ARMC8: variants seen among roughly 807,000 people sequenced by gnomAD.
The protein encoded by ARMC8 is armadillo repeat-containing protein 8.
In ARMC8, 20 loss-of-function variants were observed where a neutral mutation model predicts 99.3. The observed-to-expected ratio is 0.20, with a 90% CI of 0.14 to 0.29. The LOEUF (loss-of-function observed/expected upper bound fraction) is 0.29, where lower values mean the gene tolerates loss of function less well. ARMC8 is among the 10% of genes least tolerant of loss of function. The pLI is 1.00. For synonymous variants in ARMC8, 263 were observed against 278.3 expected (o/e 0.95, Z 0.55); for missense variants, 569 against 809.5 (o/e 0.70, Z 3.60).
rs1157836951 is a variant in ARMC8 at position 138,239,586 on chromosome 3, A to C, written c.837+58A>C. On this transcript the variant is annotated intron_variant, in intron 10 of 21. Transcript: ENST00000469044. ...ATTATCCAGTTATGTGTTAAATATC[A>C]GTATTGATACTCATATTTCATTTTA... 3.6e-6 allele frequency: 4 copies of C among 1,115,824 alleles called. No homozygotes were observed. In the South Asian group the frequency reaches 4.3e-5, roughly 12 times the overall value. 69.1% of individuals were successfully genotyped at this position (1,115,824 alleles called of 1,614,324 possible).
rs771935392 is a variant in ARMC8, at chr3:138,264,261, G to C, written c.1299+49G>C. The stretch of plus-strand genomic sequence containing the variant: ...AACAGCTGTACTCACAGACCCTAGA[G>C]TGAGCTGAGCTAGCTAACACTACTC... On this transcript the variant is annotated intron_variant, in intron 14 of 21. Transcript: ENST00000469044. 4 of 1,476,488 alleles carry C rather than the reference G, an allele frequency of 2.7e-6. No homozygotes were observed. In the South Asian group the frequency reaches 4.6e-5, roughly 17 times the overall value. The allele number at this position is 1,476,488 out of a possible 1,614,324, so 91.5% of individuals were successfully genotyped here.
At chr3:138,244,835 A>G (rs1283356660) in intron 11 of ARMC8, among the ~76,000 whole-genome samples, 1 of 152,208 alleles carries the variant, frequency 6.6e-6, no homozygotes, top group African/African-American at 2.4e-5. Flanking sequence ...GGTTTTTCAT[A>G]TATCAGTGTC....
rs142428910 is a variant in ARMC8 at position 138,249,655 on chromosome 3, A to G, written c.1134+4472A>G. Among the ~76,000 whole-genome samples, 114 of 152,222 alleles carry G rather than the reference A, an allele frequency of 7.5e-4. 1 individual carries two copies. Among genetic ancestry groups the G allele is most frequent in the African/African-American group, 2.5e-3 (103 of 41,566 alleles). On this transcript the variant is annotated intron_variant, in intron 12 of 21. Coordinates refer to ENST00000469044, the MANE Select transcript of ARMC8 (RefSeq NM_001363941.2). ...ACTGATATAAAGTATTTTTCCAATT[A>G]GTGTCTGATTTTTAAGATCAGTTAC...
At chr3:138,287,510 G>T (rs1336532285) in intron 19 of ARMC8, 10 of 359,988 alleles carry the variant, frequency 2.8e-5, no homozygotes, top group South Asian at 4.3e-5. Context: ...ATTGAATGAT[G>T]AATAAACTTA....
In ARMC8 at chr3:138,219,411, G is replaced by T. The variant is rs1340655792; in HGVS notation, c.123-2515G>T. On this transcript the variant is annotated intron_variant, in intron 2 of 21. Coordinates refer to ENST00000469044, the MANE Select transcript of ARMC8 (RefSeq NM_001363941.2). Reference sequence around the variant, plus strand: ...ACTCTAACAAAGTGATGACCTGGGGGTTTCAGGGCATGCTTCCTGAGGAAG... The same window carrying T: ...ACTCTAACAAAGTGATGACCTGGGGTTTTCAGGGCATGCTTCCTGAGGAAG... 3.3e-5 allele frequency among the ~76,000 whole-genome samples: 5 copies of T among 152,200 alleles called. No homozygotes were observed. The East Asian group carries it at 9.6e-4, about 29-fold the overall frequency.
At chr3:138,192,081 A>T (rs568411067) in intron 1 of ARMC8, among the ~76,000 whole-genome samples, 63 of 152,246 alleles carry the variant, frequency 4.1e-4, no homozygotes, top group African/African-American at 1.4e-3. Flanking sequence ...ACTTTTCCAG[A>T]GTGGCTGTAC....
At chr3:138,280,124 A>G (rs1265363192) in intron 18 of ARMC8, among the ~76,000 whole-genome samples, 3 of 151,744 alleles carry the variant, frequency 2.0e-5, no homozygotes, top group Non-Finnish European at 4.4e-5. Context: ...GGCTGGGCTC[A>G]AACTCCTGAC....
At position 138,223,618 on chromosome 3, in the gene ARMC8, T is replaced by TC; in HGVS notation, c.338-17dup. ...ACTGGTTGAAAGGATTAGTCCTAAA[T>TC]CTCATTTCTGTTAATAGGACTACTG... is the stretch of plus-strand genomic sequence containing the variant. On this transcript the variant is annotated splice_polypyrimidine_tract_variant and intron_variant, in intron 4 of 21. Transcript: ENST00000469044. 6.8e-6 allele frequency: 11 copies of TC among 1,613,818 alleles called. No homozygotes were observed. Among genetic ancestry groups the TC allele is most frequent in the Non-Finnish European group, 9.3e-6 (11 of 1,179,664 alleles).
At position 138,201,436 on chromosome 3, in the gene ARMC8, C is replaced by CTTTTTTTT. The variant is rs58707271; in HGVS notation, c.46-8347_46-8340dup. ...TAGAGTCCTTGTCTTCTTCCCCTCC[C>CTTTTTTTT]TTTTTTTTTTTTTTTTTTTTTTTTT... On this transcript the variant is annotated intron_variant, in intron 1 of 21. Transcript: ENST00000469044. Among the ~76,000 whole-genome samples the CTTTTTTTT allele has an allele frequency of 7.7e-4, 50 of 64,992 alleles. 15 individuals are homozygous for CTTTTTTTT. The highest frequency in any genetic ancestry group is 1.0e-3 in the Non-Finnish European group (30 of 29,394). The allele number at this position is 64,992 out of a possible 152,430, so 42.6% of individuals were successfully genotyped here.
rs370336680 is a variant in ARMC8 at position 138,199,851 on chromosome 3, A to G, written c.46-9966A>G. The stretch of plus-strand genomic sequence containing the variant: ...AATTTGTGATTGATCTGAGCAGTGT[A>G]CTTGGTGGCATTTTAGTAAATTGTC... On this transcript the variant is annotated intron_variant, in intron 1 of 21. Coordinates refer to ENST00000469044, the MANE Select transcript of ARMC8 (RefSeq NM_001363941.2). 4.0e-4 allele frequency among the ~76,000 whole-genome samples: 61 copies of G among 152,340 alleles called. 1 individual carries two copies. The East Asian group carries it at 5.2e-3, about 13-fold the overall frequency.
At chr3:138,291,294 C>A (rs962246708) in intron 21 of ARMC8, among the ~76,000 whole-genome samples, 2 of 152,222 alleles carry the variant, frequency 1.3e-5, no homozygotes, top group Admixed American at 6.5e-5. Flanking sequence ...TCTGGCTCTG[C>A]CTTTCTCATC....
chr3:138,287,342 G>A (rs1265987690), intron 19 of ARMC8, among the ~76,000 whole-genome samples: 1 of 152,070 alleles, frequency 6.6e-6, no homozygotes, highest in Non-Finnish European at 1.5e-5. Flanking sequence ...CAAGCCCCTT[G>A]CTCTTTGCAC....
chr3:138,285,122 G>A (rs2050283514), intron 19 of ARMC8, among the ~76,000 whole-genome samples: 1 of 152,202 alleles, frequency 6.6e-6, no homozygotes, highest in Non-Finnish European at 1.5e-5. Context: ...CAACTGCAGA[G>A]AAAGGCACAG....
intron 19 of ARMC8, among the ~76,000 whole-genome samples, chr3:138,286,667 T>C (rs1202955209): frequency 6.6e-6 from 1 of 152,198 alleles, no homozygotes; most frequent in Non-Finnish European, 1.5e-5. Flanking sequence ...GATCTAGGGT[T>C]ATAGCCTGGG....
chr3:138,232,753 G>A (rs2046121075), intron 6 of ARMC8, among the ~76,000 whole-genome samples: 1 of 152,142 alleles, frequency 6.6e-6, no homozygotes, highest in African/African-American at 2.4e-5. Flanking sequence ...ATTAAAATGG[G>A]GGAAGAATAT....
chr3:138,235,798 C>CTTTTTTT (rs71146120), intron 7 of ARMC8, among the ~76,000 whole-genome samples: 19 of 80,526 alleles, frequency 2.4e-4, no homozygotes, highest in South Asian at 9.6e-4. Context: ...TCCTTTTAGT[C>CTTTTTTT]TTTTTTTTTT....
intron 2 of ARMC8, 22 bp from the exon 3 acceptor site, chr3:138,221,904 T>C (rs2045420214): frequency 1.3e-6 from 2 of 1,588,562 alleles, no homozygotes; most frequent in East Asian, 2.2e-5. Context: ...ACATACTTTA[T>C]TTTTTCTTCC....
At chr3:138,274,421 T>C (rs1474320729) in intron 17 of ARMC8, 28 bp from the exon 18 acceptor site, 1 of 1,441,910 alleles carries the variant, frequency 6.9e-7, no homozygotes, top group Non-Finnish European at 9.7e-7. Flanking sequence ...GTTTCTTTGA[T>C]AATTATGGAT....
intron 6 of ARMC8, among the ~76,000 whole-genome samples, chr3:138,230,133 G>A (rs912505772): frequency 3.9e-5 from 6 of 152,194 alleles, no homozygotes; most frequent in East Asian, 3.8e-4. Flanking sequence ...GGATTACGTT[G>A]ACAAAGTGTG....
Sources: gnomAD v4.1 joint callset for allele counts (sites outside exome capture counted in the v4.1 genomes callset) on GRCh38, gnomAD v4.1.1 for gene constraint, MANE v1.5 for transcripts, NCBI Gene and HGNC (gene_info 2026-07-23, HGNC 2026-07-21) for gene names.